The following CCDC157 variants were observed in gnomAD, a reference collection of about 807,000 sequenced individuals.
CCDC157 encodes coiled-coil domain containing 157, also known as coiled-coil domain-containing protein 157.
A neutral mutation model predicts 70.9 loss-of-function variants in CCDC157; 60 were observed. The observed-to-expected ratio is 0.85, with a 90% CI of 0.69 to 1.05. The LOEUF (loss-of-function observed/expected upper bound fraction) is 1.05. CCDC157 is among the 50% of genes least tolerant of loss of function. The probability of loss-of-function intolerance (pLI) is 0.00; values close to 1 mark genes in which losing one functional copy is unlikely to be tolerated. For missense variants in CCDC157, 943 were observed against 984.2 expected (o/e 0.96, Z 0.56); for synonymous variants, 373 against 422.4 (o/e 0.88, Z 1.43).
In CCDC157 at chr22:30,374,020, A is replaced by T. The variant is rs747165619; in HGVS notation, c.1601A>T (p.Glu534Val). 1 of 1,611,086 alleles carries T rather than the reference A, an allele frequency of 6.2e-7. No homozygotes were observed. Among genetic ancestry groups the T allele is most frequent in the Non-Finnish European group, 8.5e-7 (1 of 1,179,030 alleles). The change falls in exon 9 of 12, where the codon GAG (glutamate) becomes GTG (valine). Residue 534 changes from glutamate to valine, a missense_variant. Glu to Val is a moderately radical substitution (Grantham distance 121, BLOSUM62 -2). Coordinates refer to ENST00000338306, the MANE Select transcript of CCDC157 (RefSeq NM_001017437.5). ...CTGGAGCTAGAACGGGAGCTGGAGG[A>T]GCTGAAGGAGCGGGAGCGGCTGCTG... ...TILELERELE[E>V]LKERERLLVA...
In CCDC157 at chr22:30,369,528, C is replaced by T. The variant is rs780389518; in HGVS notation, c.345C>T (p.Ser115=). Residue 115 remains serine, a synonymous_variant, in exon 4 of 12, where the codon TCC becomes TCT. Coordinates refer to ENST00000338306, the MANE Select transcript of CCDC157 (RefSeq NM_001017437.5). ...PPAQAAGPCM[S]VGLTVRRFWD... is the part of the protein sequence containing the mutation. ...CACAGGCTGCGGGGCCCTGCATGTC[C>T]GTGGGGCTCACGGTGCGGCGCTTCT... The T allele has an allele frequency of 1.4e-5, 22 of 1,607,140 alleles. No individual in the cohort carries two copies. Among genetic ancestry groups the T allele is most frequent in the South Asian group, 7.7e-5 (7 of 90,424 alleles).
At position 30,370,796 on chromosome 22, in the gene CCDC157, G is replaced by A; in HGVS notation, c.891G>A (p.Leu297=). The A allele has an allele frequency of 6.2e-7, 1 of 1,613,420 alleles. No homozygotes were observed. The highest frequency in any genetic ancestry group is 8.5e-7 in the Non-Finnish European group (1 of 1,180,006). The change falls in exon 5 of 12, where the codon CTG becomes CTA. Residue 297 remains leucine (L), a synonymous_variant. Coordinates refer to ENST00000338306, the MANE Select transcript of CCDC157 (RefSeq NM_001017437.5). ...ATGTGGAGGCCCTCAGGGCCCAGCT[G>A]GAGGAGGCTGAAGGGCAGAAGGATG... ...SKHVEALRAQ[L]EEAEGQKDGL... is the part of the protein sequence containing the mutation.
intron 1 of CCDC157, among the ~76,000 whole-genome samples, chr22:30,361,261 A>G (rs904799164): frequency 2.0e-5 from 3 of 151,328 alleles, no homozygotes; most frequent in Non-Finnish European, 3.0e-5. Context: ...AAAAAAAAAA[A>G]AAAAGAAAAA....
Position 30,376,844 on chromosome 22 carries a change from T to A in CCDC157, c.*99T>A. Reference sequence around the variant, plus strand: ...GCCCACAGCAATCTTTGCCTCACAGTATGACTGAGCCAAGGAAAGAACCCT... The same window carrying A: ...GCCCACAGCAATCTTTGCCTCACAGAATGACTGAGCCAAGGAAAGAACCCT... On this transcript the variant is annotated 3_prime_UTR_variant, in exon 12 of 12. Coordinates refer to ENST00000338306, the MANE Select transcript of CCDC157 (RefSeq NM_001017437.5). 1 of 1,222,482 alleles carries A rather than the reference T, an allele frequency of 8.2e-7. No homozygotes were observed. The allele number at this position is 1,222,482 out of a possible 1,614,324, so 75.7% of individuals were successfully genotyped here.
chr22:30,365,911 C>A, intron 2 of CCDC157, 79 bp from the exon 3 acceptor site: 1 of 1,347,474 alleles, frequency 7.4e-7, no homozygotes, highest in South Asian at 1.4e-5. Context: ...AGCTCCTGGG[C>A]AGATGAGGGT....
At chr22:30,369,661 G>A in intron 4 of CCDC157, 58 bp downstream of exon 4, 1 of 1,351,418 alleles carries the variant, frequency 7.4e-7, no homozygotes. Flanking sequence ...CCCCACTGTG[G>A]TGGCCTTCAC....
intron 2 of CCDC157, among the ~76,000 whole-genome samples, chr22:30,364,808 C>A (rs1475989641): frequency 1.3e-5 from 2 of 149,034 alleles, no homozygotes; most frequent in Non-Finnish European, 3.0e-5. Flanking sequence ...GAGCTAGACA[C>A]CATCTCAAAA....
intron 6 of CCDC157, 135 bp from the exon 7 acceptor site, chr22:30,371,940 C>CAGGTGGGGA (rs1212556109): frequency 1.3e-6 from 1 of 756,136 alleles, no homozygotes; most frequent in Non-Finnish European, 2.1e-6. Flanking sequence ...AAACCCACCT[C>CAGGTGGGGA]AGGTGGGGTC....
chr22:30,375,695 A>C (rs1426064596), intron 10 of CCDC157, 32 bp downstream of exon 10: 1 of 1,576,948 alleles, frequency 6.3e-7, no homozygotes, highest in Admixed American at 1.9e-5. Context: ...CTTGGGGACC[A>C]GGAGGAAGCC....
At chr22:30,374,726 T>C (rs936314417) in intron 9 of CCDC157, 7 of 456,630 alleles carry the variant, frequency 1.5e-5, no homozygotes, top group Non-Finnish European at 3.1e-5. Context: ...CATAGCTATT[T>C]CCCATAGCAG....
chr22:30,364,122 C>A (rs1191836414), intron 2 of CCDC157, among the ~76,000 whole-genome samples: 1 of 152,112 alleles, frequency 6.6e-6, no homozygotes, highest in African/African-American at 2.4e-5. Context: ...ACAGTGAGAT[C>A]CCGTCTTTAC....
At position 30,373,662 on chromosome 22, in the gene CCDC157, G is replaced by A. The variant is rs1331833881; in HGVS notation, c.1401G>A (p.Glu467=). The A allele has an allele frequency of 1.3e-6, 2 of 1,558,084 alleles. No individual in the cohort carries two copies. Among genetic ancestry groups the A allele is most frequent in the East Asian group, 2.4e-5 (1 of 41,742 alleles). Residue 467 remains glutamate, a synonymous_variant, in exon 8 of 12, where the codon GAG becomes GAA. Transcript: ENST00000338306. ...ACAGCCTGGACCAGGAACGTGAGGA[G>A]CTGCGGGGCAGCCTGGACGAGGCTG... ...QLDSLDQERE[E]LRGSLDEAEA... is the part of the protein sequence containing the mutation.
At chr22:30,359,923 T>C (rs1427481325) in intron 1 of CCDC157, among the ~76,000 whole-genome samples, 3 of 152,154 alleles carry the variant, frequency 2.0e-5, no homozygotes, top group Non-Finnish European at 4.4e-5. Context: ...GACGAAAAGA[T>C]TGCTTGAGGC....
At chr22:30,363,855 T>A (rs1025713418) in intron 2 of CCDC157, among the ~76,000 whole-genome samples, 1 of 152,160 alleles carries the variant, frequency 6.6e-6, no homozygotes, top group African/African-American at 2.4e-5. Context: ...GTCCGGCTAA[T>A]TTTTGTATTT....
Position 30,376,824 on chromosome 22 carries a change from C to A in CCDC157, c.*79C>A. 1 of 1,394,152 alleles carries A rather than the reference C, an allele frequency of 7.2e-7. No individual in the cohort carries two copies. 86.4% of individuals were successfully genotyped at this position (1,394,152 alleles called of 1,614,324 possible). A position where few individuals can be genotyped will look rare whatever the true frequency, so the allele number is the denominator to read the frequency against. On this transcript the variant is annotated 3_prime_UTR_variant, in exon 12 of 12. Transcript: ENST00000338306. ...TAATAAAGCCCCAGCCATTGGCCCA[C>A]AGCAATCTTTGCCTCACAGTATGAC...
Position 30,372,525 on chromosome 22 carries a change from C to T in CCDC157, c.1335+239C>T, listed in dbSNP as rs1431562436. The T allele has an allele frequency of 1.1e-5, 5 of 470,384 alleles. No homozygotes were observed. The East Asian group carries it at 1.4e-4, about 13-fold the overall frequency. 29.1% of individuals were successfully genotyped at this position (470,384 alleles called of 1,614,324 possible). Reference sequence around the variant, plus strand: ...TCACTCTGGAAGAGCGCCCCACAGGCAAAGATGAGCAGGTGTGCCACACTC... The same window carrying T: ...TCACTCTGGAAGAGCGCCCCACAGGTAAAGATGAGCAGGTGTGCCACACTC... On this transcript the variant is annotated intron_variant, in intron 7 of 11. Coordinates refer to ENST00000338306, the MANE Select transcript of CCDC157 (RefSeq NM_001017437.5).
intron 3 of CCDC157, chr22:30,366,617 G>C: frequency 6.4e-6 from 2 of 314,216 alleles, no homozygotes; most frequent in African/African-American, 2.1e-5. Flanking sequence ...TCCATTCCGG[G>C]CTCTCTTTCC....
At chr22:30,370,083 A>C in intron 4 of CCDC157, 3 of 595,870 alleles carry the variant, frequency 5.0e-6, no homozygotes, top group Non-Finnish European at 6.0e-6. Context: ...CACCATGCAT[A>C]CAATCAGATC....
At chr22:30,368,521 G>A (rs561373169) in intron 3 of CCDC157, among the ~76,000 whole-genome samples, 274 of 152,330 alleles carry the variant, frequency 1.8e-3, no homozygotes, top group African/African-American at 6.3e-3. Context: ...CTAAGCAGAC[G>A]GATTGCTCTG....
Sources: gnomAD v4.1 joint callset for allele counts (sites outside exome capture counted in the v4.1 genomes callset) on GRCh38, gnomAD v4.1.1 for gene constraint, MANE v1.5 for transcripts, NCBI Gene and HGNC (gene_info 2026-07-23, HGNC 2026-07-21) for gene names.